Variants in NDUFAF2 observed in about 807,000 individuals in gnomAD.
The protein encoded by NDUFAF2 is NADH dehydrogenase [ubiquinone] 1 alpha subcomplex assembly factor 2.
A neutral mutation model predicts 22.8 loss-of-function variants in NDUFAF2; 13 were observed. That is an observed-to-expected ratio of 0.57 (90% CI 0.37 to 0.91). The LOEUF (loss-of-function observed/expected upper bound fraction) is 0.91. NDUFAF2 is among the 40% of genes least tolerant of loss of function. The pLI is 0.01. For synonymous variants in NDUFAF2, 53 were observed against 64.2 expected, an observed-to-expected ratio of 0.83 and a Z score of 0.84; for missense variants, 162 against 195.2, an observed-to-expected ratio of 0.83 and a Z score of 1.01.
intron 1 of NDUFAF2, among the ~76,000 whole-genome samples, chr5:61,071,132 AACCTC>A (rs1274578264): frequency 6.6e-6 from 1 of 152,186 alleles, no homozygotes; most frequent in Non-Finnish European, 1.5e-5. Flanking sequence ...ACATATATTG[AACCTC>A]TACTGTGAGA....
intron 1 of NDUFAF2, 50 bp from the exon 2 acceptor site, chr5:61,073,075 A>G (rs369733178): frequency 6.4e-6 from 7 of 1,099,264 alleles, no homozygotes; most frequent in Admixed American, 1.7e-5. Flanking sequence ...TTGTAGAACT[A>G]CTGTATCATA....
chr5:61,131,988 C>A (rs986093743), intron 3 of NDUFAF2, among the ~76,000 whole-genome samples: 4 of 151,998 alleles, frequency 2.6e-5, no homozygotes, highest in African/African-American at 9.7e-5. Flanking sequence ...TCTGAAGGAG[C>A]TTTTAAAAGT....
chr5:61,142,219 T>C (rs1262342285), intron 3 of NDUFAF2, among the ~76,000 whole-genome samples: 1 of 152,260 alleles, frequency 6.6e-6, no homozygotes, highest in Admixed American at 6.5e-5. Context: ...ATTGTGTCTT[T>C]ATGCTTAGAG....
At chr5:61,149,262 C>T (rs1369184921) in intron 3 of NDUFAF2, among the ~76,000 whole-genome samples, 1 of 152,218 alleles carries the variant, frequency 6.6e-6, no homozygotes, top group Admixed American at 6.5e-5. Context: ...TGAGCCACCA[C>T]ACTGGCCCAT....
At chr5:60,983,943 A>T (rs1453630385) in intron 1 of NDUFAF2, among the ~76,000 whole-genome samples, 2 of 152,160 alleles carry the variant, frequency 1.3e-5, no homozygotes, top group South Asian at 2.1e-4. Context: ...AAAGAAAGTC[A>T]TTGGTAGCTT....
intron 3 of NDUFAF2, among the ~76,000 whole-genome samples, chr5:61,129,144 A>G (rs998309647): frequency 4.6e-5 from 7 of 152,222 alleles, no homozygotes; most frequent in African/African-American, 1.7e-4. Flanking sequence ...TCAGGAAACA[A>G]CAGGCGCTGG....
intron 1 of NDUFAF2, among the ~76,000 whole-genome samples, chr5:61,011,742 C>T (rs1272545969): frequency 6.6e-6 from 1 of 152,056 alleles, no homozygotes; most frequent in African/African-American, 2.4e-5. Flanking sequence ...ATAACGTTAT[C>T]ATTGGTCTTC....
intron 1 of NDUFAF2, among the ~76,000 whole-genome samples, chr5:60,977,221 A>T (rs1038677882): frequency 1.3e-5 from 2 of 152,118 alleles, no homozygotes; most frequent in African/African-American, 4.8e-5. Flanking sequence ...TGAGGCCAGG[A>T]GATTGAGACC....
At chr5:60,948,358 G>A (rs1344977155) in intron 1 of NDUFAF2, among the ~76,000 whole-genome samples, 1 of 151,936 alleles carries the variant, frequency 6.6e-6, no homozygotes, top group Non-Finnish European at 1.5e-5. Context: ...TAACTGAGAT[G>A]TGTGCCACCC....
At chr5:61,125,630 C>T (rs1753027519) in intron 3 of NDUFAF2, among the ~76,000 whole-genome samples, 1 of 152,180 alleles carries the variant, frequency 6.6e-6, no homozygotes, top group African/African-American at 2.4e-5. Flanking sequence ...ACATTTAAAA[C>T]TGTGTATTGA....
chr5:61,018,817 A>G (rs538316101), intron 1 of NDUFAF2, among the ~76,000 whole-genome samples: 47 of 152,242 alleles, frequency 3.1e-4, no homozygotes, highest in South Asian at 1.0e-3. Flanking sequence ...TTATGATTCC[A>G]TAGGCTTATG....
chr5:60,978,556 A>G (rs183257662), intron 1 of NDUFAF2, among the ~76,000 whole-genome samples: 36 of 152,164 alleles, frequency 2.4e-4, no homozygotes, highest in African/African-American at 8.7e-4. Context: ...AGCAAATCTC[A>G]TGAGAACTCA....
intron 1 of NDUFAF2, among the ~76,000 whole-genome samples, chr5:60,961,904 T>C (rs1750691793): frequency 1.3e-5 from 2 of 151,914 alleles, no homozygotes; most frequent in Non-Finnish European, 2.9e-5. Context: ...GAGGTTACAG[T>C]TAACTATGAT....
At chr5:61,037,272 G>A (rs978197395) in intron 1 of NDUFAF2, among the ~76,000 whole-genome samples, 1 of 152,180 alleles carries the variant, frequency 6.6e-6, no homozygotes, top group African/African-American at 2.4e-5. Context: ...GGAAGGCTTT[G>A]TAGAGAAAAC....
intron 1 of NDUFAF2, among the ~76,000 whole-genome samples, chr5:61,002,992 C>A (rs1311834032): frequency 1.3e-5 from 2 of 152,120 alleles, no homozygotes; most frequent in African/African-American, 4.8e-5. Context: ...CTTACTCTTT[C>A]TTCTGTCTAG....
intron 1 of NDUFAF2, among the ~76,000 whole-genome samples, chr5:60,948,744 A>G (rs1262677560): frequency 6.6e-6 from 1 of 152,186 alleles, no homozygotes; most frequent in Non-Finnish European, 1.5e-5. Context: ...GGGTTATTAC[A>G]AATAAATTAT....
intron 1 of NDUFAF2, among the ~76,000 whole-genome samples, chr5:60,949,526 G>A (rs929250345): frequency 1.3e-5 from 2 of 152,156 alleles, no homozygotes; most frequent in African/African-American, 4.8e-5. Context: ...GGTTTCGTGT[G>A]AACATAAGTT....
chr5:61,103,946 A>C (rs1752731541), intron 3 of NDUFAF2, among the ~76,000 whole-genome samples: 1 of 152,124 alleles, frequency 6.6e-6, no homozygotes, highest in South Asian at 2.1e-4. Flanking sequence ...TACATGAGAT[A>C]TTTAACACTT....
At chr5:60,991,867 C>T (rs1024476755) in intron 1 of NDUFAF2, among the ~76,000 whole-genome samples, 3 of 152,164 alleles carry the variant, frequency 2.0e-5, no homozygotes, top group Non-Finnish European at 2.9e-5. Flanking sequence ...TTTGAGGAAT[C>T]TCCAGACTGT....
Sources: gnomAD v4.1 joint callset for allele counts (sites outside exome capture counted in the v4.1 genomes callset) on GRCh38, gnomAD v4.1.1 for gene constraint, MANE v1.5 for transcripts, NCBI Gene and HGNC (gene_info 2026-07-23, HGNC 2026-07-21) for gene names.